SGCG: variants seen among roughly 807,000 people sequenced by gnomAD.
SGCG encodes the protein gamma-sarcoglycan.
A neutral mutation model predicts 29.3 loss-of-function variants in SGCG; 26 were observed. The observed-to-expected ratio is 0.89, with a 90% CI of 0.65 to 1.23. SGCG has a LOEUF of 1.23. Among genes scored for constraint, SGCG ranks in the 50% most tolerant of loss-of-function variants. The pLI is 0.00. For synonymous variants in SGCG, 145 were observed against 129.7 expected (o/e 1.12, Z -0.80); for missense variants, 353 against 356.0 (o/e 0.99, Z 0.07).
the SGCG span, among the ~76,000 whole-genome samples, chr13:23,166,125 G>A: frequency 6.6e-6 from 1 of 152,128 alleles, no homozygotes; most frequent in South Asian, 2.1e-4. Context: ...CCTGGTCTTG[G>A]TGTAAAAGCT....
intron 1 of SGCG, among the ~76,000 whole-genome samples, chr13:23,198,453 A>G (rs952606856): frequency 6.6e-6 from 1 of 152,238 alleles, no homozygotes; most frequent in East Asian, 1.9e-4. Flanking sequence ...ATGAAAGCAG[A>G]TATTTACACC....
chr13:23,177,958 G>A (rs2137460409), upstream of SGCG, among the ~76,000 whole-genome samples: 2 of 152,168 alleles, frequency 1.3e-5, no homozygotes, highest in Non-Finnish European at 2.9e-5. Flanking sequence ...AGATAGCCAG[G>A]CACCCAAGGG....
intron 3 of SGCG, among the ~76,000 whole-genome samples, chr13:23,248,820 G>A (rs556510213): frequency 3.3e-5 from 5 of 151,518 alleles, no homozygotes; most frequent in African/African-American, 7.3e-5. Context: ...GTGAAACCCC[G>A]TCTCTACTAA....
intron 1 of SGCG, among the ~76,000 whole-genome samples, chr13:23,191,410 GGGGTCA>G (rs1270680025): frequency 1.3e-5 from 2 of 152,172 alleles, no homozygotes; most frequent in Non-Finnish European, 2.9e-5. Context: ...ATCGGGTGCA[GGGGTCA>G]GAAAGAAACA....
At chr13:23,314,382 T>TTTTATATATATATATATATATGTATA (rs1240016735) in intron 6 of SGCG, among the ~76,000 whole-genome samples, 1 of 78,624 alleles carries the variant, frequency 1.3e-5, no homozygotes, top group African/African-American at 5.7e-5. Context: ...CTGCTATAGG[T>TTTTATATATATATATATATATGTATA]TATATATATA....
intron 4 of SGCG, among the ~76,000 whole-genome samples, chr13:23,271,686 C>T (rs1880882594): frequency 6.6e-6 from 1 of 152,140 alleles, no homozygotes; most frequent in African/African-American, 2.4e-5. Flanking sequence ...TGAACTTTTG[C>T]ATCAATTTGC....
intron 6 of SGCG, among the ~76,000 whole-genome samples, chr13:23,306,854 A>C (rs1435690854): frequency 7.2e-5 from 11 of 152,374 alleles, no homozygotes; most frequent in Non-Finnish European, 1.3e-4. Flanking sequence ...TCATCCAGTA[A>C]CAGAAGAGCA....
At chr13:23,215,791 G>A (rs1162031179) in intron 2 of SGCG, among the ~76,000 whole-genome samples, 1 of 140,876 alleles carries the variant, frequency 7.1e-6, no homozygotes, top group African/African-American at 2.7e-5. Flanking sequence ...AATAGAGTAA[G>A]CTGAGAGTTA....
chr13:23,224,675 C>CAA (rs1878823442), intron 2 of SGCG, among the ~76,000 whole-genome samples: 1 of 149,000 alleles, frequency 6.7e-6, no homozygotes, highest in Non-Finnish European at 1.5e-5. Flanking sequence ...TACACACACA[C>CAA]ACACACCCCA....
At chr13:23,297,660 C>A (rs1881959348) in intron 6 of SGCG, among the ~76,000 whole-genome samples, 1 of 152,208 alleles carries the variant, frequency 6.6e-6, no homozygotes, top group Non-Finnish European at 1.5e-5. Flanking sequence ...GGTAAACCCA[C>A]AACCTTCCAG....
rs1566037350 is a variant in SGCG at position 23,299,427 on chromosome 13, TATATATATATATATATATA to T, written c.578+3941_578+3959del. Among the ~76,000 whole-genome samples, 14 of 13,536 alleles carry T rather than the reference TATATATATATATATATATA, an allele frequency of 1.0e-3. 1 individual carries two copies. The highest frequency in any genetic ancestry group is 7.6e-3 in the East Asian group (4 of 528). The allele number at this position is 13,536 out of a possible 152,430, so 8.9% of individuals were successfully genotyped here. On this transcript the variant is annotated intron_variant, in intron 6 of 7. Transcript: ENST00000218867. ...GTTGGCATATATATATATATATATA[TATATATATATATATATATA>T]TATATATATATTTTTTTTTTTTTTT...
chr13:23,186,865 A>G (rs771144211), intron 1 of SGCG, among the ~76,000 whole-genome samples: 8 of 152,164 alleles, frequency 5.3e-5, no homozygotes, highest in Non-Finnish European at 1.0e-4. Context: ...CACATTCTGT[A>G]AGTTCTTGGA....
intron 5 of SGCG, among the ~76,000 whole-genome samples, chr13:23,289,865 T>C (rs1887755): frequency 0.22 from 33,970 of 152,048 alleles, 3,986 homozygotes; most frequent in East Asian, 0.35. Context: ...CTTGATTCAT[T>C]ATACATCTTA....
At chr13:23,293,521 T>C (rs4274286) in intron 5 of SGCG, among the ~76,000 whole-genome samples, 13,792 of 151,984 alleles carry the variant, frequency 0.091, 689 homozygotes, top group South Asian at 0.13. Flanking sequence ...GTGGAGAAAA[T>C]GTGAAGGTAC....
chr13:23,286,139 A>G (rs1005164969), intron 5 of SGCG, among the ~76,000 whole-genome samples: 1 of 152,236 alleles, frequency 6.6e-6, no homozygotes, highest in African/African-American at 2.4e-5. Context: ...TCCATTAAGT[A>G]AGCACATGAC....
intron 5 of SGCG, among the ~76,000 whole-genome samples, chr13:23,287,738 T>C (rs546766152): frequency 4.9e-4 from 60 of 123,496 alleles, no homozygotes; most frequent in African/African-American, 1.5e-3. Flanking sequence ...ATGACCAGGG[T>C]TTTTTGTTTG....
intron 6 of SGCG, among the ~76,000 whole-genome samples, chr13:23,303,645 G>A (rs1011060968): frequency 3.3e-5 from 5 of 152,192 alleles, no homozygotes; most frequent in African/African-American, 9.7e-5. Flanking sequence ...AGGTATGCAC[G>A]TATCAGAGGT....
chr13:23,206,638 C>T (rs1877991035), intron 2 of SGCG, among the ~76,000 whole-genome samples: 1 of 152,178 alleles, frequency 6.6e-6, no homozygotes, highest in Admixed American at 6.5e-5. Flanking sequence ...GCAGATATCT[C>T]TTCCAGTTCC....
intron 4 of SGCG, among the ~76,000 whole-genome samples, chr13:23,271,257 T>C (rs1194860551): frequency 6.6e-6 from 1 of 152,148 alleles, no homozygotes; most frequent in East Asian, 1.9e-4. Flanking sequence ...ATGCCGTCAT[T>C]ATCATATACT....
Sources: gnomAD v4.1 joint callset for allele counts (sites outside exome capture counted in the v4.1 genomes callset) on GRCh38, gnomAD v4.1.1 for gene constraint, MANE v1.5 for transcripts, NCBI Gene and HGNC (gene_info 2026-07-23, HGNC 2026-07-21) for gene names.